Variants in DTNA observed in about 807,000 individuals in gnomAD.
The protein encoded by DTNA is dystrophin-related protein 3.
A neutral mutation model predicts 100.7 loss-of-function variants in DTNA; 43 were observed. The ratio of observed to expected loss-of-function variants is 0.43; its 90% CI spans 0.33 to 0.55. The LOEUF is 0.55. Among genes scored for constraint, DTNA ranks in the 20% least tolerant of loss-of-function variants. The pLI, the probability that DTNA is intolerant of heterozygous loss-of-function variation, is 0.04. For synonymous variants in DTNA, 349 were observed against 347.9 expected (o/e 1.00, Z -0.04); for missense variants, 798 against 953.9 (o/e 0.84, Z 2.15).
At chr18:34,669,320 C>T (rs2076407956) in intron 1 of DTNA, among the ~76,000 whole-genome samples, 3 of 152,108 alleles carry the variant, frequency 2.0e-5, no homozygotes, top group East Asian at 3.8e-4. Flanking sequence ...CTATGTGTGT[C>T]TCTGCACGTG....
At chr18:34,857,070 C>T (rs946000025) in intron 15 of DTNA, among the ~76,000 whole-genome samples, 2 of 152,236 alleles carry the variant, frequency 1.3e-5, no homozygotes, top group Non-Finnish European at 2.9e-5. Flanking sequence ...GACTTGTCCT[C>T]ATTTCTTTAA....
At chr18:34,666,736 G>A (rs1466336278) in intron 1 of DTNA, among the ~76,000 whole-genome samples, 2 of 152,058 alleles carry the variant, frequency 1.3e-5, no homozygotes, top group Non-Finnish European at 2.9e-5. Flanking sequence ...GGTTGTAGAT[G>A]TGTGGTATTA....
At chr18:34,689,394 C>T (rs2079399513) in intron 1 of DTNA, among the ~76,000 whole-genome samples, 1 of 152,102 alleles carries the variant, frequency 6.6e-6, no homozygotes, top group Non-Finnish European at 1.5e-5. Context: ...TTCTAATAGT[C>T]AGGCCCCTCT....
intron 1 of DTNA, among the ~76,000 whole-genome samples, chr18:34,508,578 T>C (rs1389773303): frequency 6.6e-6 from 1 of 152,190 alleles, no homozygotes; most frequent in Non-Finnish European, 1.5e-5. Context: ...TTAAAATGTT[T>C]TATGATGGTG....
intron 1 of DTNA, among the ~76,000 whole-genome samples, chr18:34,505,617 C>T (rs2040412407): frequency 6.6e-6 from 1 of 152,106 alleles, no homozygotes; most frequent in South Asian, 2.1e-4. Context: ...ACATTCTGCT[C>T]TTGAGCCCAC....
At chr18:34,625,302 T>G (rs756043664) in intron 1 of DTNA, among the ~76,000 whole-genome samples, 16 of 152,186 alleles carry the variant, frequency 1.1e-4, no homozygotes, top group Non-Finnish European at 1.6e-4. Flanking sequence ...GTGCTGGGAT[T>G]ACAGGTGTGA....
intron 1 of DTNA, among the ~76,000 whole-genome samples, chr18:34,636,065 A>G (rs2730125): frequency 0.21 from 32,536 of 152,120 alleles, 4,045 homozygotes; most frequent in African/African-American, 0.33. Flanking sequence ...TATATTCTTC[A>G]GTGTGCAGCA....
chr18:34,756,625 T>A (rs73424214), intron 2 of DTNA, among the ~76,000 whole-genome samples: 1 of 152,114 alleles, frequency 6.6e-6, no homozygotes, highest in Non-Finnish European at 1.5e-5. Context: ...AAAAGGAGCT[T>A]AGAGTTGACC....
At chr18:34,521,626 T>C (rs1401376961) in intron 1 of DTNA, among the ~76,000 whole-genome samples, 1 of 152,108 alleles carries the variant, frequency 6.6e-6, no homozygotes, top group African/African-American at 2.4e-5. Flanking sequence ...GCTTCACTGC[T>C]GTTCTCTGAA....
chr18:34,708,095 C>A (rs1326947094), upstream of DTNA: 1 of 152,084 alleles, frequency 6.6e-6, no homozygotes, highest in Admixed American at 6.5e-5. Flanking sequence ...GCTTTTTTAA[C>A]CCCTGGCTGC....
chr18:34,807,901 A>G lies in DTNA; in HGVS notation c.448+1597A>G, dbSNP rs575442639. 3.7e-3 allele frequency among the ~76,000 whole-genome samples: 550 copies of G among 149,942 alleles called. 3 individuals are homozygous for G. The highest frequency in any genetic ancestry group is 0.019 in the South Asian group (91 of 4,698). On this transcript the variant is annotated intron_variant, in intron 5 of 22. Coordinates refer to ENST00000444659, the MANE Select transcript of DTNA (RefSeq NM_001386795.1). Reference sequence around the variant, plus strand: ...AAGAAAAAAAAAAAGCTTCAGAGTAATCCTCGGGCATTTCCTTCAGGGTTA... The same window carrying G: ...AAGAAAAAAAAAAAGCTTCAGAGTAGTCCTCGGGCATTTCCTTCAGGGTTA...
chr18:34,599,848 T>C lies in DTNA; in HGVS notation c.-2+106334T>C, dbSNP rs112705483. ...ACCCGCCACCACGCCTAGCTAATTT[T>C]TTGTATTTTTAGTAGAGACAGGCTT... On this transcript the variant is annotated intron_variant, in intron 1 of 19. Transcript: ENST00000283365. 2.6e-3 allele frequency among the ~76,000 whole-genome samples: 392 copies of C among 152,226 alleles called. 4 individuals are homozygous for C. Among genetic ancestry groups the C allele is most frequent in the African/African-American group, 8.8e-3 (364 of 41,532 alleles).
At chr18:34,654,964 T>C (rs984322192) in intron 1 of DTNA, among the ~76,000 whole-genome samples, 2 of 152,186 alleles carry the variant, frequency 1.3e-5, no homozygotes, top group African/African-American at 4.8e-5. Flanking sequence ...TGACCTCAGG[T>C]GATCCACCTG....
chr18:34,564,321 T>C (rs1046249045), intron 1 of DTNA, among the ~76,000 whole-genome samples: 1 of 152,162 alleles, frequency 6.6e-6, no homozygotes, highest in Non-Finnish European at 1.5e-5. Context: ...TTTTTGTATT[T>C]TTAGTAGAGA....
chr18:34,861,943 T>G (rs1312170454), intron 16 of DTNA, among the ~76,000 whole-genome samples: 2 of 152,174 alleles, frequency 1.3e-5, no homozygotes, highest in African/African-American at 4.8e-5. Context: ...CTTCTCTTAG[T>G]GTTTCTCACC....
intron 2 of DTNA, among the ~76,000 whole-genome samples, chr18:34,761,297 T>C (rs1307015772): frequency 2.0e-5 from 3 of 152,166 alleles, no homozygotes; most frequent in African/African-American, 7.2e-5. Flanking sequence ...AATGGCTATA[T>C]ATTAATAGAG....
At chr18:34,593,953 CA>C (rs1422988847) in intron 1 of DTNA, among the ~76,000 whole-genome samples, 2 of 150,592 alleles carry the variant, frequency 1.3e-5, no homozygotes, top group Non-Finnish European at 3.0e-5. Context: ...ATTTGAGAAA[CA>C]AAAAAAGGAA....
At chr18:34,884,930 G>A (rs770239524) in intron 22 of DTNA, among the ~76,000 whole-genome samples, 154 bp downstream of exon 22, 2 of 152,202 alleles carry the variant, frequency 1.3e-5, no homozygotes, top group Non-Finnish European at 2.9e-5. Context: ...GTCTCAGTCT[G>A]TGGAGGGTTT....
intron 1 of DTNA, among the ~76,000 whole-genome samples, chr18:34,506,633 T>G (rs768157298): frequency 7.2e-5 from 11 of 152,290 alleles, no homozygotes; most frequent in Middle Eastern, 3.4e-3. Flanking sequence ...AGTATGGTTT[T>G]GTTGGCACCC....
Sources: allele counts gnomAD v4.1 joint callset (sites outside exome capture counted in the v4.1 genomes callset), GRCh38; gene constraint gnomAD v4.1.1; transcripts MANE v1.5; gene names NCBI Gene and HGNC (gene_info 2026-07-23, HGNC 2026-07-21).